HEPACAM2: variants seen among roughly 807,000 people sequenced by gnomAD.
HEPACAM2 encodes the protein mitotic kinetics regulator.
A neutral mutation model predicts 49.6 loss-of-function variants in HEPACAM2; 49 were observed. The ratio of observed to expected loss-of-function variants is 0.99; its 90% CI spans 0.78 to 1.25. HEPACAM2 has a LOEUF of 1.25. Ranked by LOEUF, HEPACAM2 falls within the 50% of genes most tolerant of loss-of-function variation. The probability of loss-of-function intolerance (pLI) is 0.00; values close to 1 mark genes in which losing one functional copy is unlikely to be tolerated. For synonymous variants in HEPACAM2, 197 were observed against 202.9 expected (o/e 0.97, Z 0.25); for missense variants, 525 against 557.2 (o/e 0.94, Z 0.58).
At chr7:93,226,744 A>C (rs1480410039), upstream of HEPACAM2, among the ~76,000 whole-genome samples, 1 of 152,174 alleles carries the variant, frequency 6.6e-6, no homozygotes, top group African/African-American at 2.4e-5. Flanking sequence ...CTTTTGCGTG[A>C]CTTTACTGAA....
At chr7:93,192,429 G>A in intron 8 of HEPACAM2, 66 bp from the exon 9 acceptor site, 14 of 1,197,282 alleles carry the variant, frequency 1.2e-5, no homozygotes, top group African/African-American at 1.5e-5. Context: ...CCACTATGTT[G>A]CATAGTTGAA....
At chr7:93,205,011 GA>G (rs1160353133) in intron 4 of HEPACAM2, among the ~76,000 whole-genome samples, 1 of 151,294 alleles carries the variant, frequency 6.6e-6, no homozygotes, top group Non-Finnish European at 1.5e-5. Context: ...GAGGCAAGAG[GA>G]TCACTTGAAC....
At chr7:93,204,869 G>A (rs1358455319) in intron 4 of HEPACAM2, among the ~76,000 whole-genome samples, 1 of 152,142 alleles carries the variant, frequency 6.6e-6, no homozygotes, top group East Asian at 1.9e-4. Context: ...GGAGGCCGAG[G>A]TGGGCAGATC....
upstream of HEPACAM2, among the ~76,000 whole-genome samples, chr7:93,228,218 C>G (rs1322752936): frequency 2.0e-5 from 3 of 151,986 alleles, no homozygotes; most frequent in Non-Finnish European, 4.4e-5. Context: ...TAAATATACT[C>G]AATATAAAGG....
At chr7:93,208,987 A>G in intron 3 of HEPACAM2, 111 bp from the exon 4 acceptor site, 2 of 863,518 alleles carry the variant, frequency 2.3e-6, no homozygotes, top group Non-Finnish European at 1.7e-6. Flanking sequence ...TTCATCTTAG[A>G]ATTGGACGAG....
upstream of HEPACAM2, among the ~76,000 whole-genome samples, chr7:93,230,519 T>A (rs1315581836): frequency 6.6e-6 from 1 of 152,222 alleles, no homozygotes; most frequent in Middle Eastern, 3.2e-3. Context: ...TAAACCCAGT[T>A]GTGAACTCCT....
At chr7:93,199,615 C>T (rs1467916055) in intron 4 of HEPACAM2, among the ~76,000 whole-genome samples, 1 of 151,952 alleles carries the variant, frequency 6.6e-6, no homozygotes, top group African/African-American at 2.4e-5. Flanking sequence ...TCTCTTCTTG[C>T]TCTGATACTC....
Position 93,208,571 on chromosome 7 carries a change from C to T in HEPACAM2, c.1012+9G>A, listed in dbSNP as rs1303289267. 2 of 1,607,670 alleles carry T rather than the reference C, an allele frequency of 1.2e-6. No individual in the cohort carries two copies. The highest frequency in any genetic ancestry group is 1.3e-5 in the African/African-American group (1 of 74,692). On this transcript the variant is annotated intron_variant, in intron 4 of 9. Transcript: ENST00000394468. Reference sequence around the variant, plus strand: ...TTATTAGGATCCCTTCCTTGTATGTCACACATACCTACGGAAGTGATGATA... The same window carrying T: ...TTATTAGGATCCCTTCCTTGTATGTTACACATACCTACGGAAGTGATGATA...
At chr7:93,221,245 T>TA (rs1461866473) in intron 1 of HEPACAM2, among the ~76,000 whole-genome samples, 2 of 152,160 alleles carry the variant, frequency 1.3e-5, no homozygotes, top group Non-Finnish European at 2.9e-5. Flanking sequence ...AAATTAGATA[T>TA]AAATAGAAGC....
At chr7:93,226,537 C>T (rs1335943310), upstream of HEPACAM2, 4 of 895,598 alleles carry the variant, frequency 4.5e-6, no homozygotes, top group Non-Finnish European at 7.4e-6. Context: ...CAGACCCTAT[C>T]TTGCCTCTTG....
chr7:93,224,932 A>T (rs1328245372), intron 1 of HEPACAM2, among the ~76,000 whole-genome samples: 1 of 152,200 alleles, frequency 6.6e-6, no homozygotes, highest in Non-Finnish European at 1.5e-5. Context: ...CAATATTCCT[A>T]AAAGCAAAGA....
intron 1 of HEPACAM2, among the ~76,000 whole-genome samples, chr7:93,223,026 G>A (rs1794479142): frequency 6.6e-6 from 1 of 152,174 alleles, no homozygotes; most frequent in East Asian, 1.9e-4. Context: ...ACTGGAAAAA[G>A]CTGCATGGCT....
In HEPACAM2 at chr7:93,226,088, A is replaced by T. The variant is rs992501235; in HGVS notation, c.79+280T>A. ...TGAACCTATATGTAAACTCTAAAAGAAGAAATTCATTATCTTTTAAAAATA... is the reference window on the plus strand; with the variant it reads ...TGAACCTATATGTAAACTCTAAAAGTAGAAATTCATTATCTTTTAAAAATA... On this transcript the variant is annotated intron_variant, in intron 1 of 9. Coordinates refer to ENST00000394468, the MANE Select transcript of HEPACAM2 (RefSeq NM_001039372.4). 5 of 536,908 alleles carry T rather than the reference A, an allele frequency of 9.3e-6. No individual in the cohort carries two copies. The African/African-American group carries it at 9.5e-5, about 10-fold the overall frequency. The allele number at this position is 536,908 out of a possible 1,614,324, so 33.3% of individuals were successfully genotyped here.
chr7:93,195,904 G>C lies in HEPACAM2; in HGVS notation c.1202-3C>G. The C allele has an allele frequency of 1.9e-6, 3 of 1,608,262 alleles. No homozygotes were observed. Among genetic ancestry groups the C allele is most frequent in the African/African-American group, 2.7e-5 (2 of 74,810 alleles). ...GTCATCCAGAGCATCTTCATGGCCT[G>C]AAATGTAAAACAAATACTGCTTACA... On this transcript the variant is annotated splice_region_variant and splice_polypyrimidine_tract_variant and intron_variant, in intron 7 of 9. Coordinates refer to ENST00000394468, the MANE Select transcript of HEPACAM2 (RefSeq NM_001039372.4).
At chr7:93,230,413 A>G (rs1794601406), upstream of HEPACAM2, among the ~76,000 whole-genome samples, 1 of 152,230 alleles carries the variant, frequency 6.6e-6, no homozygotes, top group Non-Finnish European at 1.5e-5. Flanking sequence ...AAACATCCCC[A>G]AAGAAAACAA....
At chr7:93,197,811 TG>T (rs1793773710) in intron 4 of HEPACAM2, among the ~76,000 whole-genome samples, 1 of 152,078 alleles carries the variant, frequency 6.6e-6, no homozygotes, top group Non-Finnish European at 1.5e-5. Context: ...GGGATACCTG[TG>T]ATTGGAAACG....
chr7:93,213,782 C>A (rs904158030), intron 3 of HEPACAM2, among the ~76,000 whole-genome samples: 3 of 151,890 alleles, frequency 2.0e-5, no homozygotes, highest in African/African-American at 7.3e-5. Flanking sequence ...GCACAATGAA[C>A]CTGTTAGTGA....
chr7:93,197,207 A>C (rs2116639329), intron 7 of HEPACAM2, 34 bp downstream of exon 7: 1 of 1,558,952 alleles, frequency 6.4e-7, no homozygotes, highest in East Asian at 2.3e-5. Context: ...CATACATTAA[A>C]ACTGATAATA....
chr7:93,230,536 C>T (rs1327905678), upstream of HEPACAM2, among the ~76,000 whole-genome samples: 3 of 152,220 alleles, frequency 2.0e-5, no homozygotes, highest in African/African-American at 7.2e-5. Context: ...TCCTTGTGAC[C>T]ACAACCATAG....
Sources: gnomAD v4.1 joint callset for allele counts (sites outside exome capture counted in the v4.1 genomes callset) on GRCh38, gnomAD v4.1.1 for gene constraint, MANE v1.5 for transcripts, NCBI Gene and HGNC (gene_info 2026-07-23, HGNC 2026-07-21) for gene names.